SLC22A23: variants seen among roughly 807,000 people sequenced by gnomAD.
SLC22A23 encodes the protein ion transporter protein.
A neutral mutation model predicts 61.0 loss-of-function variants in SLC22A23; 26 were observed. The ratio of observed to expected loss-of-function variants is 0.43; its 90% confidence interval spans 0.31 to 0.59. The LOEUF is 0.59. Ranked by LOEUF, SLC22A23 falls within the 20% of genes least tolerant of loss-of-function variation. The pLI, the probability that SLC22A23 is intolerant of heterozygous loss-of-function variation, is 0.11. For synonymous variants in SLC22A23, 430 were observed against 413.9 expected (o/e 1.04, Z -0.47); for missense variants, 796 against 934.7 (o/e 0.85, Z 1.94).
chr6:3,441,110 G>A (rs568480582), intron 1 of SLC22A23, among the ~76,000 whole-genome samples: 63 of 152,326 alleles, frequency 4.1e-4, no homozygotes, highest in Admixed American at 2.7e-3. Flanking sequence ...GAGAGGGAGA[G>A]GGCTGTGGCC....
chr6:3,275,730 G>A (rs749785910), intron 9 of SLC22A23, among the ~76,000 whole-genome samples: 3 of 152,146 alleles, frequency 2.0e-5, no homozygotes, highest in African/African-American at 7.2e-5. Context: ...CTATAGGCGC[G>A]TGCCACCATG....
chr6:3,288,747 C>G (rs1209620850), intron 6 of SLC22A23, among the ~76,000 whole-genome samples: 1 of 152,288 alleles, frequency 6.6e-6, no homozygotes, highest in Non-Finnish European at 1.5e-5. Context: ...CAGCATCTAC[C>G]TGAACCAGGC....
At chr6:3,356,509 G>A (rs1288669241) in intron 3 of SLC22A23, among the ~76,000 whole-genome samples, 1 of 152,022 alleles carries the variant, frequency 6.6e-6, no homozygotes, top group Admixed American at 6.5e-5. Context: ...TAAACTTACC[G>A]GCTCTGCACT....
rs764396067 is a variant in SLC22A23, at chr6:3,287,047, A to G, written c.1358T>C (p.Met453Thr). Residue 453 changes from methionine (M) to threonine (T), a missense_variant, in exon 7 of 10, where the codon ATG (methionine) becomes ACG (threonine). Met to Thr is a moderately conservative substitution (Grantham distance 81). Coordinates refer to ENST00000406686, the MANE Select transcript of SLC22A23 (RefSeq NM_015482.2). Reference sequence around the variant, plus strand: ...GAGCGGCACCTTCACCTCGTGGCCCATCATGCTCCTGGCAAAGCAGTGGTG... The same window carrying G: ...GAGCGGCACCTTCACCTCGTGGCCCGTCATGCTCCTGGCAAAGCAGTGGTG... ...GIHHCFARSM[M>T]GHEVKVPLLE... is the part of the protein sequence containing the mutation. 1.9e-6 allele frequency: 3 copies of G among 1,614,116 alleles called. No homozygotes were observed. The highest frequency in any genetic ancestry group is 2.2e-5 in the South Asian group (2 of 91,090).
In SLC22A23 at chr6:3,327,792, A is replaced by G. The variant is rs143554073; in HGVS notation, c.914-3790T>C. ...GGGCAAGGGACCCAAGTCTAAAAAC[A>G]AAATTCATTTATGTTTCATATAAAT... On this transcript the variant is annotated intron_variant, in intron 3 of 9. Transcript: ENST00000406686. The surrounding 1 kb of genome is among the most constrained non-coding windows in gnomAD (Gnocchi z 4.1). Among the ~76,000 whole-genome samples the G allele has an allele frequency of 6.2e-4, 94 of 152,352 alleles. No individual in the cohort carries two copies. The highest frequency in any genetic ancestry group is 2.2e-3 in the African/African-American group (91 of 41,572).
At chr6:3,420,229 T>C (rs1293769388) in intron 1 of SLC22A23, among the ~76,000 whole-genome samples, 1 of 101,402 alleles carries the variant, frequency 9.9e-6, no homozygotes, top group Non-Finnish European at 2.1e-5. Context: ...TCTAGCAAAA[T>C]GAGAAAAAAA....
At chr6:3,382,946 C>T (rs1437979545) in intron 3 of SLC22A23, among the ~76,000 whole-genome samples, 1 of 152,242 alleles carries the variant, frequency 6.6e-6, no homozygotes, top group Non-Finnish European at 1.5e-5. Context: ...AAAGGGTATG[C>T]ACTTCATTTA....
chr6:3,336,061 C>T (rs966471568), intron 3 of SLC22A23, among the ~76,000 whole-genome samples: 5 of 151,092 alleles, frequency 3.3e-5, no homozygotes, highest in African/African-American at 1.2e-4. Context: ...TGCTCTCCGG[C>T]CTGGGCGAAA....
intron 3 of SLC22A23, among the ~76,000 whole-genome samples, chr6:3,351,340 T>C (rs188044521): frequency 1.5e-4 from 23 of 152,168 alleles, no homozygotes; most frequent in Middle Eastern, 3.4e-3. Flanking sequence ...TTTAGCCTCT[T>C]AGGGTGGAAA....
Position 3,429,091 on chromosome 6 carries a change from T to C in SLC22A23, c.655-13236A>G, listed in dbSNP as rs116252286. On this transcript the variant is annotated intron_variant, in intron 1 of 9. Transcript: ENST00000406686. ...TATATTTTGTTTGCCCTGCATGACC[T>C]AATATGTGAACACAGTGCAAAATTA... Among the ~76,000 whole-genome samples, 46 of 152,248 alleles carry C rather than the reference T, an allele frequency of 3.0e-4. 1 individual carries two copies. Among genetic ancestry groups the C allele is most frequent in the African/African-American group, 1.1e-3 (44 of 41,526 alleles).
At position 3,323,831 on chromosome 6, in the gene SLC22A23, C is replaced by CA; in HGVS notation, c.1082+2dup. ...CCCAGGGCGCTGTGCAGAGTGTACT[C>CA]ACGACCAGTAGAGCAGCATGAGCAG... On this transcript the variant is annotated splice_region_variant and intron_variant, in intron 4 of 9. Transcript: ENST00000406686. 1.9e-6 allele frequency: 3 copies of CA among 1,612,908 alleles called. No homozygotes were observed. Among genetic ancestry groups the CA allele is most frequent in the Non-Finnish European group, 2.5e-6 (3 of 1,179,388 alleles).
chr6:3,284,285 C>T (rs922662327), intron 8 of SLC22A23, among the ~76,000 whole-genome samples: 1 of 152,210 alleles, frequency 6.6e-6, no homozygotes, highest in Non-Finnish European at 1.5e-5. Context: ...CCTGGTGCCA[C>T]AGCGACATCC....
At chr6:3,442,306 G>A (rs1771650873) in intron 1 of SLC22A23, among the ~76,000 whole-genome samples, 1 of 152,176 alleles carries the variant, frequency 6.6e-6, no homozygotes, top group South Asian at 2.1e-4. Flanking sequence ...TTCAGTTTGG[G>A]AAGATGGAAT....
chr6:3,436,491 T>C (rs1055792251), intron 1 of SLC22A23, among the ~76,000 whole-genome samples: 1 of 152,172 alleles, frequency 6.6e-6, no homozygotes, highest in African/African-American at 2.4e-5. Context: ...ACTTGCAGCA[T>C]CCTGACTGAC....
At chr6:3,276,648 C>T (rs1360454081) in intron 9 of SLC22A23, 1 of 152,314 alleles carries the variant, frequency 6.6e-6, no homozygotes, top group Non-Finnish European at 1.5e-5. Context: ...TGAGGTTGGC[C>T]TATGCTGGCT....
intron 3 of SLC22A23, among the ~76,000 whole-genome samples, chr6:3,385,372 C>T (rs374848941): frequency 4.6e-5 from 7 of 152,024 alleles, no homozygotes; most frequent in Admixed American, 2.6e-4. Flanking sequence ...AAAAATTAGC[C>T]GGGTGCGGTG....
At chr6:3,439,058 CGT>C (rs1561983445) in intron 1 of SLC22A23, among the ~76,000 whole-genome samples, 12 of 147,752 alleles carry the variant, frequency 8.1e-5, no homozygotes, top group East Asian at 1.9e-4. Context: ...TCAAACTTGC[CGT>C]ATTTGGGGCC....
Position 3,414,053 on chromosome 6 carries a change from C to A in SLC22A23, c.758+1699G>T, listed in dbSNP as rs1186408053. On this transcript the variant is annotated intron_variant, in intron 2 of 9. Transcript: ENST00000406686. This position sits in a 1 kb window ranked among gnomAD's most constrained non-coding sequence, Gnocchi z 5.1. ...CAGGCCTGGTGTGTGATCAGGGAGG[C>A]CACATCACATGTGTGTACAAGAAGA... is the stretch of plus-strand genomic sequence containing the variant. Among the ~76,000 whole-genome samples, 1 of 152,186 alleles carries A rather than the reference C, an allele frequency of 6.6e-6. No individual in the cohort carries two copies. The highest frequency in any genetic ancestry group is 1.5e-5 in the Non-Finnish European group (1 of 68,042).
At chr6:3,399,642 T>G (rs1768246560) in intron 3 of SLC22A23, among the ~76,000 whole-genome samples, 1 of 152,174 alleles carries the variant, frequency 6.6e-6, no homozygotes, top group Non-Finnish European at 1.5e-5. Flanking sequence ...TAGGGATTAA[T>G]ACAAGGAAGG....
Sources: gnomAD v4.1 joint callset for allele counts (sites outside exome capture counted in the v4.1 genomes callset) on GRCh38, gnomAD v4.1.1 for gene constraint, Gnocchi (gnomAD v3.1) non-coding constraint, MANE v1.5 for transcripts, NCBI Gene and HGNC (gene_info 2026-07-23, HGNC 2026-07-21) for gene names.